Variants in CELF4 observed in about 807,000 individuals in gnomAD.
CELF4 encodes CUGBP Elav-like family member 4, also known as CUG-BP- and ETR-3-like factor 4.
In CELF4, 18 loss-of-function variants were observed where a neutral mutation model predicts 59.9. The ratio of observed to expected loss-of-function variants is 0.30; its 90% confidence interval spans 0.21 to 0.45. The LOEUF is 0.45. CELF4 is among the 20% of genes least tolerant of loss of function. CELF4 has a pLI of 1.00. For synonymous variants in CELF4, 261 were observed against 267.1 expected (o/e 0.98, Z 0.22); for missense variants, 456 against 689.0 (o/e 0.66, Z 3.79).
At chr18:37,486,660 G>C (rs2099881926) in intron 1 of CELF4, among the ~76,000 whole-genome samples, 1 of 152,236 alleles carries the variant, frequency 6.6e-6, no homozygotes, top group African/African-American at 2.4e-5. Flanking sequence ...AAGCAGGCTT[G>C]AATGTTCTGG....
At chr18:37,470,881 T>TGAGAGAGAGAGAGA (rs1569569555) in intron 2 of CELF4, among the ~76,000 whole-genome samples, 2 of 80,884 alleles carry the variant, frequency 2.5e-5, no homozygotes, top group African/African-American at 4.4e-5. Context: ...TGTGTGTGTG[T>TGAGAGAGAGAGAGA]GTGTGTGACA....
At chr18:37,301,821 T>C (rs962342309) in intron 3 of CELF4, among the ~76,000 whole-genome samples, 6 of 152,198 alleles carry the variant, frequency 3.9e-5, no homozygotes, top group African/African-American at 1.4e-4. Flanking sequence ...TAGCCCTTAA[T>C]TGATCTTATC....
At chr18:37,509,996 G>A (rs1474866710) in intron 1 of CELF4, among the ~76,000 whole-genome samples, 2 of 152,194 alleles carry the variant, frequency 1.3e-5, no homozygotes, top group Non-Finnish European at 2.9e-5. Context: ...GGTTACCAGG[G>A]ATTGGGAGGA....
At chr18:37,532,953 C>A (rs2099970724) in intron 1 of CELF4, among the ~76,000 whole-genome samples, 1 of 152,230 alleles carries the variant, frequency 6.6e-6, no homozygotes. Context: ...TATTCAGGCA[C>A]CAAAGTCTTT....
intron 10 of CELF4, among the ~76,000 whole-genome samples, chr18:37,262,108 C>T (rs908172992): frequency 6.6e-6 from 1 of 152,230 alleles, no homozygotes; most frequent in Admixed American, 6.5e-5. Context: ...CCTGGACCTC[C>T]TGCCTCCCCA....
chr18:37,488,076 G>A (rs1307745247), intron 1 of CELF4, among the ~76,000 whole-genome samples: 1 of 151,888 alleles, frequency 6.6e-6, no homozygotes, highest in Non-Finnish European at 1.5e-5. Flanking sequence ...CTTTGCACTG[G>A]TCTTTCCTCT....
chr18:37,509,465 G>T (rs2099941852), intron 1 of CELF4, among the ~76,000 whole-genome samples: 1 of 152,208 alleles, frequency 6.6e-6, no homozygotes, highest in African/African-American at 2.4e-5. Context: ...TTTGTCATCG[G>T]TAATGAGAAT....
At chr18:37,257,656 TCTC>T (rs2070808452) in intron 11 of CELF4, among the ~76,000 whole-genome samples, 1 of 152,112 alleles carries the variant, frequency 6.6e-6, no homozygotes, top group Non-Finnish European at 1.5e-5. Flanking sequence ...TGCACTCCTG[TCTC>T]CTCTCCCCTC....
intron 2 of CELF4, among the ~76,000 whole-genome samples, chr18:37,484,669 C>T (rs1603642360): frequency 6.6e-6 from 1 of 152,192 alleles, no homozygotes; most frequent in Non-Finnish European, 1.5e-5. Context: ...TAACCTTTCC[C>T]GCTGTGGGGT....
At chr18:37,344,819 C>T (rs150020839) in intron 2 of CELF4, among the ~76,000 whole-genome samples, 13 of 152,312 alleles carry the variant, frequency 8.5e-5, no homozygotes, top group Admixed American at 2.6e-4. Context: ...GGAGGGGACA[C>T]GCCCTGGCAG....
At chr18:37,316,790 C>T (rs935627816) in intron 3 of CELF4, among the ~76,000 whole-genome samples, 2 of 152,258 alleles carry the variant, frequency 1.3e-5, no homozygotes, top group African/African-American at 2.4e-5. Flanking sequence ...CTAGCCCTGC[C>T]TCCCTCACCT....
intron 2 of CELF4, among the ~76,000 whole-genome samples, chr18:37,354,391 T>TG (rs942115282): frequency 4.6e-5 from 7 of 151,614 alleles, no homozygotes; most frequent in African/African-American, 4.8e-5. Context: ...TGGGGACTGG[T>TG]GGGGGGCGCA....
At chr18:37,402,712 A>T (rs1402680219) in intron 2 of CELF4, among the ~76,000 whole-genome samples, 1 of 152,152 alleles carries the variant, frequency 6.6e-6, no homozygotes, top group African/African-American at 2.4e-5. Context: ...ATTCAAAAAG[A>T]TCTTTCTCCC....
At chr18:37,428,753 C>T (rs775847187) in intron 2 of CELF4, among the ~76,000 whole-genome samples, 1 of 152,112 alleles carries the variant, frequency 6.6e-6, no homozygotes, top group Non-Finnish European at 1.5e-5. Flanking sequence ...TGAAGTAGGG[C>T]CCCCATGTGT....
intron 2 of CELF4, among the ~76,000 whole-genome samples, chr18:37,425,012 G>A (rs1012725389): frequency 6.6e-6 from 1 of 152,212 alleles, no homozygotes; most frequent in African/African-American, 2.4e-5. Context: ...CCCCAAGGCA[G>A]GTTCTTAGCT....
intron 2 of CELF4, among the ~76,000 whole-genome samples, chr18:37,434,868 C>T (rs2099684937): frequency 6.6e-6 from 1 of 152,194 alleles, no homozygotes; most frequent in African/African-American, 2.4e-5. Flanking sequence ...CACCTTCCTC[C>T]TGCACCCCCT....
intron 1 of CELF4, among the ~76,000 whole-genome samples, chr18:37,553,021 C>T (rs1458656025): frequency 6.6e-6 from 1 of 152,232 alleles, no homozygotes; most frequent in Non-Finnish European, 1.5e-5. Flanking sequence ...CCTGGGGACC[C>T]AACTCAGCTG....
chr18:37,273,370 T>C (rs1305037350), intron 6 of CELF4: 1 of 1,347,086 alleles, frequency 7.4e-7, no homozygotes, highest in African/African-American at 1.5e-5. Flanking sequence ...TGACTGTATT[T>C]AAAAGTAATG....
At chr18:37,384,072 A>G (rs1180070537) in intron 2 of CELF4, among the ~76,000 whole-genome samples, 2 of 151,976 alleles carry the variant, frequency 1.3e-5, no homozygotes, top group African/African-American at 2.4e-5. Context: ...GCTAATTGGG[A>G]GACTGGGCAG....
Sources: gnomAD v4.1 joint callset for allele counts (sites outside exome capture counted in the v4.1 genomes callset) on GRCh38, gnomAD v4.1.1 for gene constraint, MANE v1.5 for transcripts, NCBI Gene and HGNC (gene_info 2026-07-23, HGNC 2026-07-21) for gene names.